The following C8orf34 variants were observed in gnomAD, a reference collection of about 807,000 sequenced individuals.
The protein encoded by C8orf34 is chromosome 8 open reading frame 34.
Under a neutral mutation model 68.3 loss-of-function variants are expected in C8orf34, and 65 were observed. That is an observed-to-expected ratio of 0.95 (90% CI 0.78 to 1.17). C8orf34 has a LOEUF of 1.17. C8orf34 is among the 50% of genes most tolerant of loss of function. C8orf34 has a pLI of 0.00. For synonymous variants in C8orf34, 244 were observed against 241.2 expected, an observed-to-expected ratio of 1.01 and a Z score of -0.11; for missense variants, 664 against 655.4, an observed-to-expected ratio of 1.01 and a Z score of -0.14.
chr8:68,550,261 CT>C (rs527803233), intron 7 of C8orf34, among the ~76,000 whole-genome samples: 41 of 151,662 alleles, frequency 2.7e-4, no homozygotes, highest in African/African-American at 4.8e-5. Flanking sequence ...ATACTTCTTA[CT>C]TTTTTTAGTG....
At chr8:68,618,536 G>T (rs117503755) in intron 7 of C8orf34, among the ~76,000 whole-genome samples, 2,607 of 152,038 alleles carry the variant, frequency 0.017, 39 homozygotes, top group Middle Eastern at 0.054. Flanking sequence ...TTTCTGTAGA[G>T]ACAGGGCCTC....
At chr8:68,589,287 ACTTCT>A (rs1373842795) in intron 7 of C8orf34, among the ~76,000 whole-genome samples, 43 of 152,222 alleles carry the variant, frequency 2.8e-4, no homozygotes, top group African/African-American at 8.4e-4. Context: ...ATTGTGTTTG[ACTTCT>A]CTTCTATTTA....
At chr8:68,694,719 G>C (rs1295538499) in intron 8 of C8orf34, among the ~76,000 whole-genome samples, 1 of 151,892 alleles carries the variant, frequency 6.6e-6, no homozygotes, top group African/African-American at 2.4e-5. Flanking sequence ...ACATCTGGGG[G>C]CTTCTTAGTT....
At chr8:68,525,440 A>T in intron 6 of C8orf34, 1 of 452,716 alleles carries the variant, frequency 2.2e-6, no homozygotes, top group Non-Finnish European at 3.9e-6. Context: ...TTTCTTTTTT[A>T]GTACAAGTTC....
chr8:68,546,848 AAAAT>A (rs2130002509), intron 7 of C8orf34, among the ~76,000 whole-genome samples: 1 of 151,886 alleles, frequency 6.6e-6, no homozygotes, highest in African/African-American at 2.4e-5. Flanking sequence ...GGGTCAAAGA[AAAAT>A]AAAAAGAAAA....
intron 12 of C8orf34, among the ~76,000 whole-genome samples, chr8:68,793,949 A>T (rs961863834): frequency 1.3e-5 from 2 of 152,232 alleles, no homozygotes; most frequent in Admixed American, 1.3e-4. Flanking sequence ...TAAATAGTTC[A>T]TAATTACAAA....
intron 7 of C8orf34, among the ~76,000 whole-genome samples, chr8:68,578,481 G>C (rs1464750402): frequency 6.6e-6 from 1 of 151,884 alleles, no homozygotes; most frequent in East Asian, 1.9e-4. Context: ...CCATTGATGG[G>C]GTTGCCTTGT....
At chr8:68,659,258 T>A (rs1991960) in intron 8 of C8orf34, among the ~76,000 whole-genome samples, 42,874 of 152,010 alleles carry the variant, frequency 0.28, 6,614 homozygotes, top group East Asian at 0.56. Flanking sequence ...CAGTATTTTT[T>A]TCTCTTTTCC....
At chr8:68,383,329 TCC>T (rs940042733) in intron 1 of C8orf34, among the ~76,000 whole-genome samples, 68 of 152,182 alleles carry the variant, frequency 4.5e-4, no homozygotes, top group African/African-American at 1.6e-3. Context: ...TAAAACTGTG[TCC>T]TCTAGCCCCA....
intron 3 of C8orf34, among the ~76,000 whole-genome samples, chr8:68,465,806 T>A (rs1322156193): frequency 9.3e-6 from 1 of 107,844 alleles, no homozygotes; most frequent in Admixed American, 1.1e-4. Flanking sequence ...TGTTGTGGGG[T>A]GGGGGCAGGG....
intron 6 of C8orf34, among the ~76,000 whole-genome samples, chr8:68,531,636 A>T (rs1311743582): frequency 6.6e-6 from 1 of 152,104 alleles, no homozygotes. Flanking sequence ...TGTCCACCAG[A>T]TTTTTCCAGT....
intron 7 of C8orf34, among the ~76,000 whole-genome samples, chr8:68,629,545 G>A (rs866436127): frequency 2.6e-5 from 4 of 152,056 alleles, no homozygotes; most frequent in African/African-American, 9.7e-5. Context: ...CATTCCAAAA[G>A]TCAATCCTAT....
chr8:68,596,780 C>T (rs1817557932), intron 7 of C8orf34, among the ~76,000 whole-genome samples: 1 of 152,144 alleles, frequency 6.6e-6, no homozygotes, highest in Non-Finnish European at 1.5e-5. Context: ...CTGCCTTCTG[C>T]ACCTTAGCAA....
intron 5 of C8orf34, among the ~76,000 whole-genome samples, chr8:68,497,916 C>T (rs1276073277): frequency 6.6e-6 from 1 of 152,136 alleles, no homozygotes; most frequent in African/African-American, 2.4e-5. Flanking sequence ...GCAACCTCCG[C>T]CTCCCGGGTT....
chr8:68,800,816 T>G (rs1404118483), intron 12 of C8orf34, among the ~76,000 whole-genome samples: 1 of 152,170 alleles, frequency 6.6e-6, no homozygotes, highest in South Asian at 2.1e-4. Flanking sequence ...CAGAAATAAA[T>G]AAAATTCTAC....
At chr8:68,732,702 C>T (rs1024669002) in intron 10 of C8orf34, among the ~76,000 whole-genome samples, 7 of 152,084 alleles carry the variant, frequency 4.6e-5, no homozygotes, top group Admixed American at 3.9e-4. Context: ...TTCACATTTT[C>T]CTCTTGGAAT....
chr8:68,498,935 T>A (rs1438853139), intron 5 of C8orf34, among the ~76,000 whole-genome samples: 1 of 152,174 alleles, frequency 6.6e-6, no homozygotes, highest in South Asian at 2.1e-4. Context: ...TATCTTTTTT[T>A]AAAAATCACT....
intron 12 of C8orf34, among the ~76,000 whole-genome samples, chr8:68,805,855 A>G (rs1824464175): frequency 6.6e-6 from 1 of 152,070 alleles, no homozygotes; most frequent in African/African-American, 2.4e-5. Flanking sequence ...TGAATTTACT[A>G]TATTACCAAC....
intron 5 of C8orf34, among the ~76,000 whole-genome samples, chr8:68,505,920 A>G (rs1331914151): frequency 6.6e-6 from 1 of 152,218 alleles, no homozygotes; most frequent in African/African-American, 2.4e-5. Context: ...TTATGACTGT[A>G]TCATGCATCA....
Sources: allele counts gnomAD v4.1 joint callset (sites outside exome capture counted in the v4.1 genomes callset), GRCh38; gene constraint gnomAD v4.1.1; transcripts MANE v1.5; gene names NCBI Gene and HGNC (gene_info 2026-07-23, HGNC 2026-07-21).